Variants in NMRK2 observed in about 807,000 individuals in gnomAD.
The protein encoded by NMRK2 is nicotinamide riboside kinase 2.
A neutral mutation model predicts 24.7 loss-of-function variants in NMRK2; 34 were observed. That is an observed-to-expected ratio of 1.37 (90% CI 1.05 to 1.83). The LOEUF (loss-of-function observed/expected upper bound fraction) is 1.83, where lower values mean the gene tolerates loss of function less well. NMRK2 is among the 40% of genes most tolerant of loss of function. The pLI, the probability that NMRK2 is intolerant of heterozygous loss-of-function variation, is 0.00. For missense variants in NMRK2, 341 were observed against 315.0 expected (o/e 1.08, Z -0.62); for synonymous variants, 145 against 125.6 (o/e 1.15, Z -1.03).
chr19:3,938,822 G>GTTTTTTTTTTGTTTTT (rs2039268187), intron 5 of NMRK2, 63 bp downstream of exon 5: 1 of 179,738 alleles, frequency 5.6e-6, no homozygotes, highest in Non-Finnish European at 8.7e-6. Flanking sequence ...GCCATCTCTT[G>GTTTTTTTTTTGTTTTT]TTTTTTTTTT....
intron 6 of NMRK2, 85 bp from the exon 7 acceptor site, chr19:3,940,986 G>C (rs1250229091): frequency 1.2e-6 from 1 of 867,018 alleles, no homozygotes; most frequent in Non-Finnish European, 1.9e-6. Flanking sequence ...CCCTGACTAT[G>C]ACAGCTTTCA....
rs756765256 is a variant in NMRK2, at chr19:3,937,269, C to A, written c.147C>A (p.Asp49Glu). Residue 49 changes from aspartate (D) to glutamate (E), a missense_variant, in exon 4 of 8, where the codon GAC becomes GAA. Transcript: ENST00000168977. ...KPQDQIAVGEDGFKQWDVLES... is the reference protein window; with the variant it reads ...KPQDQIAVGEEGFKQWDVLES... ...AAGACCAAATAGCAGTTGGGGAAGA[C>A]GGCTTCAAACAGTGGGACGGTAAGG... The A allele has an allele frequency of 5.6e-6, 9 of 1,613,166 alleles. No homozygotes were observed. The Admixed American group carries it at 6.7e-5, about 12-fold the overall frequency.
Position 3,935,251 on chromosome 19 carries a change from CTTTTTTT to C in NMRK2, c.27-1308_27-1302del, listed in dbSNP as rs900517564. On this transcript the variant is annotated intron_variant, in intron 2 of 7. Coordinates refer to ENST00000168977, the MANE Select transcript of NMRK2 (RefSeq NM_170678.3). ...ATAGGTGTCCTCTTTTTCCGTCAGTCTTTTTTTTTTTTTTTTTTTTTTGAGACAAAAT... is the reference window on the plus strand; with the variant it reads ...ATAGGTGTCCTCTTTTTCCGTCAGTCTTTTTTTTTTTTTTTGAGACAAAAT... Among the ~76,000 whole-genome samples the C allele has an allele frequency of 4.7e-5, 5 of 105,622 alleles. No homozygotes were observed. The South Asian group carries it at 1.0e-3, about 22-fold the overall frequency. The allele number at this position is 105,622 out of a possible 152,430, so 69.3% of individuals were successfully genotyped here.
intron 3 of NMRK2, 52 bp from the exon 4 acceptor site, chr19:3,937,188 G>A: frequency 6.2e-7 from 1 of 1,601,660 alleles, no homozygotes; most frequent in Non-Finnish European, 8.5e-7. Flanking sequence ...CCCAGGCCGG[G>A]GGTGAGGCAG....
intron 2 of NMRK2, 26 bp downstream of exon 2, chr19:3,933,723 G>A: frequency 7.1e-7 from 1 of 1,407,660 alleles, no homozygotes; most frequent in East Asian, 2.9e-5. Context: ...CCTGGTGGGC[G>A]GCCCTGCGGG....
At chr19:3,934,134 G>A (rs766866877) in intron 2 of NMRK2, among the ~76,000 whole-genome samples, 2 of 152,092 alleles carry the variant, frequency 1.3e-5, no homozygotes, top group African/African-American at 4.8e-5. Context: ...TGTAATCCCA[G>A]CTACTGGGGA....
rs200154352 is a variant in NMRK2, at chr19:3,939,888, C to G, written c.324-12C>G. 1.0e-4 allele frequency: 168 copies of G among 1,611,298 alleles called. 1 individual carries two copies. Among genetic ancestry groups the G allele is most frequent in the Admixed American group, 1.8e-4 (11 of 59,896 alleles). On this transcript the variant is annotated splice_polypyrimidine_tract_variant and intron_variant, in intron 5 of 7. Transcript: ENST00000168977. ...TCACAGGTGCTGACCGTGTCTCCCC[C>G]ACTCCGCCCAGGCCCCTGGTGGACT... is the stretch of plus-strand genomic sequence containing the variant.
intron 2 of NMRK2, among the ~76,000 whole-genome samples, 184 bp from the exon 3 acceptor site, chr19:3,936,391 G>C (rs1206309909): frequency 6.6e-6 from 1 of 151,232 alleles, no homozygotes; most frequent in Non-Finnish European, 1.5e-5. Context: ...CTGGGTGGCA[G>C]AGCAAGACTT....
Position 3,938,655 on chromosome 19 carries a change from G to T in NMRK2, c.219G>T (p.Leu73=), listed in dbSNP as rs1425259706. The change falls in exon 5 of 8, where the codon CTG becomes CTT. Residue 73 remains leucine (L), a synonymous_variant. Transcript: ENST00000168977. ...EAMLDTVQAW[L]SSPQKFARAH... ...TGCTGGACACCGTGCAGGCCTGGCT[G>T]AGCAGCCCGCAGAAGTTTGCCCGTG... The T allele has an allele frequency of 6.2e-7, 1 of 1,611,756 alleles. No individual in the cohort carries two copies. Among genetic ancestry groups the T allele is most frequent in the Non-Finnish European group, 8.5e-7 (1 of 1,178,998 alleles).
intron 3 of NMRK2, 32 bp from the exon 4 acceptor site, chr19:3,937,208 C>T: frequency 6.2e-7 from 1 of 1,611,664 alleles, no homozygotes; most frequent in Non-Finnish European, 8.5e-7. Flanking sequence ...GGACCGGGCA[C>T]TGAGCCCGAG....
At chr19:3,940,721 C>T (rs1047527241) in intron 6 of NMRK2, among the ~76,000 whole-genome samples, 7 of 138,988 alleles carry the variant, frequency 5.0e-5, no homozygotes, top group Admixed American at 1.5e-4. Context: ...GGCAACAGAG[C>T]GAGATTCCAT....
chr19:3,935,394 T>C (rs992386847), intron 2 of NMRK2, among the ~76,000 whole-genome samples: 2 of 151,684 alleles, frequency 1.3e-5, no homozygotes, highest in African/African-American at 4.8e-5. Context: ...TAGCTTGGAT[T>C]ATAGGCACCC....
At position 3,942,307 on chromosome 19, in the gene NMRK2, A is replaced by G; in HGVS notation, c.*34A>G. 6.4e-7 allele frequency: 1 copy of G among 1,550,962 alleles called. No individual in the cohort carries two copies. The highest frequency in any genetic ancestry group is 8.7e-7 in the Non-Finnish European group (1 of 1,146,674). On this transcript the variant is annotated 3_prime_UTR_variant, in exon 8 of 8. Transcript: ENST00000168977. ...CTATGGGGGTGTCTGTACGTAGGAG[A>G]GTGGAGGCCCCACTCCCAGTTGGGC...
intron 6 of NMRK2, 87 bp downstream of exon 6, chr19:3,940,058 C>T: frequency 2.5e-6 from 3 of 1,193,460 alleles, no homozygotes; most frequent in South Asian, 2.6e-5. Flanking sequence ...TAGAAAATGC[C>T]ACTGGGGGCT....
rs2039229816 is a variant in NMRK2, at chr19:3,937,246, G to A, written c.124G>A (p.Asp42Asn). The A allele has an allele frequency of 4.3e-6, 7 of 1,613,180 alleles. No homozygotes were observed. The South Asian group carries it at 7.7e-5, about 18-fold the overall frequency. The change falls in exon 4 of 8, where the codon GAC becomes AAC. Residue 42 changes from aspartate to asparagine, a missense_variant. Physicochemically the swap from Asp to Asn is conservative, Grantham distance 23. Transcript: ENST00000168977. ...IHQDDFFKPQ[D>N]QIAVGEDGFK... is the part of the protein sequence containing the mutation. ...TCAGGCTCCTCTGTTTCAGCCCCAA[G>A]ACCAAATAGCAGTTGGGGAAGACGG...
At chr19:3,939,508 C>T (rs1233211711) in intron 5 of NMRK2, among the ~76,000 whole-genome samples, 2 of 151,584 alleles carry the variant, frequency 1.3e-5, no homozygotes, top group Non-Finnish European at 2.9e-5. Flanking sequence ...AGAGAGACTC[C>T]ATCTCAAAAA....
chr19:3,935,103 T>C (rs2039191698), intron 2 of NMRK2, among the ~76,000 whole-genome samples: 1 of 151,998 alleles, frequency 6.6e-6, no homozygotes, highest in Non-Finnish European at 1.5e-5. Flanking sequence ...TAGGCTGGTC[T>C]GAAACTCCCA....
Position 3,933,424 on chromosome 19 carries a change from C to G in NMRK2, c.-214-34C>G, listed in dbSNP as rs994629143. On this transcript the variant is annotated intron_variant, in intron 1 of 7. Coordinates refer to ENST00000168977, the MANE Select transcript of NMRK2 (RefSeq NM_170678.3). The stretch of plus-strand genomic sequence containing the variant: ...AGGAGGGAAGAGGCAGCCCCCTGCC[C>G]GGCCAGCTCGTGACTAATTTAGGCA... 1.3e-4 allele frequency: 67 copies of G among 503,108 alleles called. No homozygotes were observed. In the East Asian group the frequency reaches 2.3e-3, roughly 18 times the overall value. The allele number at this position is 503,108 out of a possible 1,614,324, so 31.2% of individuals were successfully genotyped here. A position where few individuals can be genotyped will look rare whatever the true frequency, so the allele number is the denominator to read the frequency against.
Position 3,942,317 on chromosome 19 carries a change from C to T in NMRK2, c.*44C>T. On this transcript the variant is annotated 3_prime_UTR_variant, in exon 8 of 8. Coordinates refer to ENST00000168977, the MANE Select transcript of NMRK2 (RefSeq NM_170678.3). ...GTCTGTACGTAGGAGAGTGGAGGCC[C>T]CACTCCCAGTTGGGCGTCCCGGAGC... 1 of 1,533,430 alleles carries T rather than the reference C, an allele frequency of 6.5e-7. No individual in the cohort carries two copies. Among genetic ancestry groups the T allele is most frequent in the South Asian group, 1.2e-5 (1 of 85,396 alleles). 95.0% of individuals were successfully genotyped at this position (1,533,430 alleles called of 1,614,324 possible).
Sources: gnomAD v4.1 joint callset for allele counts (sites outside exome capture counted in the v4.1 genomes callset) on GRCh38, gnomAD v4.1.1 for gene constraint, MANE v1.5 for transcripts, NCBI Gene and HGNC (gene_info 2026-07-23, HGNC 2026-07-21) for gene names.